The following CIITA variants were observed in gnomAD, a reference collection of about 807,000 sequenced individuals.
The protein encoded by CIITA is class II major histocompatibility complex transactivator, also known as MHC class II transactivator.
In CIITA, 72 loss-of-function variants were observed where a neutral mutation model predicts 115.1. The observed-to-expected ratio is 0.63, with a 90% CI of 0.52 to 0.76. The LOEUF (loss-of-function observed/expected upper bound fraction) is 0.76, where lower values mean the gene tolerates loss of function less well. Among genes scored for constraint, CIITA ranks in the 30% least tolerant of loss-of-function variants. The pLI, the probability that CIITA is intolerant of heterozygous loss-of-function variation, is 0.00. For synonymous variants in CIITA, 763 were observed against 635.6 expected (o/e 1.20, Z -3.02); for missense variants, 1,617 against 1,463.8 (o/e 1.10, Z -1.71).
At chr16:10,890,254 G>C (rs535829187) in intron 1 of CIITA, among the ~76,000 whole-genome samples, 2 of 151,818 alleles carry the variant, frequency 1.3e-5, no homozygotes, top group East Asian at 3.9e-4. Flanking sequence ...AGCGTGGCCA[G>C]ACCATCCAAG....
chr16:10,890,267 GC>G (rs2037424012), intron 1 of CIITA, among the ~76,000 whole-genome samples: 1 of 151,212 alleles, frequency 6.6e-6, no homozygotes, highest in Non-Finnish European at 1.5e-5. Context: ...CATCCAAGCT[GC>G]CCTGCTGGCT....
intron 1 of CIITA, among the ~76,000 whole-genome samples, chr16:10,894,871 T>C (rs1013196574): frequency 1.3e-5 from 2 of 152,216 alleles, no homozygotes; most frequent in African/African-American, 4.8e-5. Flanking sequence ...ATATGCAAAG[T>C]GAGGATAATA....
intron 5 of CIITA, among the ~76,000 whole-genome samples, chr16:10,900,752 A>C (rs1029194801): frequency 1.3e-5 from 2 of 152,096 alleles, no homozygotes; most frequent in African/African-American, 4.8e-5. Context: ...AAAAAAAAAA[A>C]AATGTTTTCA....
intron 18 of CIITA, chr16:10,922,917 C>T: frequency 1.9e-6 from 1 of 515,200 alleles, no homozygotes; most frequent in Non-Finnish European, 3.5e-6. Flanking sequence ...TCTCCACAAT[C>T]ACTCACCTCT....
chr16:10,908,314 G>C (rs1278254758), intron 11 of CIITA, 165 bp downstream of exon 11: 1 of 869,408 alleles, frequency 1.2e-6, no homozygotes, highest in East Asian at 2.6e-5. Flanking sequence ...GGCTCAGAGA[G>C]GGGCAGCCAC....
intron 1 of CIITA, among the ~76,000 whole-genome samples, chr16:10,878,023 C>G (rs12932187): frequency 0.081 from 12,329 of 152,118 alleles, 895 homozygotes; most frequent in East Asian, 0.41. Flanking sequence ...TTTACATTCT[C>G]GAGTCAATTT....
In CIITA at chr16:10,934,605, G is replaced by C. The variant is rs2040947183; in HGVS notation, c.*10750G>C. The C allele has an allele frequency of 6.6e-6, 1 of 152,258 alleles. No homozygotes were observed. Among genetic ancestry groups the C allele is most frequent in the Non-Finnish European group, 1.5e-5 (1 of 68,056 alleles). The allele number at this position is 152,258 out of a possible 1,614,324, so 9.4% of individuals were successfully genotyped here. A position where few individuals can be genotyped will look rare whatever the true frequency, so the allele number is the denominator to read the frequency against. ...CCTCATAGATGGGTATCTGAGATGAGTCATCGAACTTCTGCAAGCCTCAGT... is the reference window on the plus strand; with the variant it reads ...CCTCATAGATGGGTATCTGAGATGACTCATCGAACTTCTGCAAGCCTCAGT... On this transcript the variant is annotated 3_prime_UTR_variant, in exon 20 of 20. Transcript: ENST00000324288. The surrounding 1 kb of genome is among the most constrained non-coding windows in gnomAD (Gnocchi z 4.2).
Position 10,901,529 on chromosome 16 carries a change from T to C in CIITA, c.452T>C (p.Leu151Pro), listed in dbSNP as rs373022799. The change falls in exon 6 of 20, where the codon CTT (leucine) becomes CCT (proline). Residue 151 changes from leucine to proline, a missense_variant. Coordinates refer to ENST00000324288, the MANE Select transcript of CIITA (RefSeq NM_000246.4). This position sits in a 1 kb window ranked among gnomAD's most constrained non-coding sequence, Gnocchi z 6.8. ...TTCTCTGCAGCCTTCCCAGAGGAGC[T>C]TCCGGCAGACCTGAAGCACTGGAAG... Reference protein sequence around the residue: ...KSQKRPFPEELPADLKHWKPA... With the variant: ...KSQKRPFPEEPPADLKHWKPA... 10 of 1,613,958 alleles carry C rather than the reference T, an allele frequency of 6.2e-6. No individual in the cohort carries two copies. The highest frequency in any genetic ancestry group is 3.3e-5 in the Admixed American group (2 of 59,988).
Position 10,923,215 on chromosome 16 carries a change from T to A in CIITA, c.3318-13T>A. Reference sequence around the variant, plus strand: ...TCCTCTAACCTGGCTCTGAGTCCCATCCCCCCTTGCAGGATGTGGACGCCC... The same window carrying A: ...TCCTCTAACCTGGCTCTGAGTCCCAACCCCCCTTGCAGGATGTGGACGCCC... On this transcript the variant is annotated splice_polypyrimidine_tract_variant and intron_variant, in intron 18 of 19. Transcript: ENST00000324288. The surrounding 1 kb of genome is among the most constrained non-coding windows in gnomAD (Gnocchi z 5.2). The A allele has an allele frequency of 1.9e-6, 3 of 1,611,342 alleles. No homozygotes were observed. Among genetic ancestry groups the A allele is most frequent in the South Asian group, 2.2e-5 (2 of 91,046 alleles).
chr16:10,904,025 G>A (rs1197058020), intron 9 of CIITA, 130 bp downstream of exon 9: 7 of 1,193,414 alleles, frequency 5.9e-6, no homozygotes, highest in Non-Finnish European at 8.5e-6. Context: ...GGGTCAGTCG[G>A]GACAGGGAGG....
At position 10,902,695 on chromosome 16, in the gene CIITA, C is replaced by G. The variant is rs1210634816; in HGVS notation, c.666C>G (p.Leu222=). 1.2e-6 allele frequency: 2 copies of G among 1,614,144 alleles called. No homozygotes were observed. The highest frequency in any genetic ancestry group is 1.7e-6 in the Non-Finnish European group (2 of 1,180,058). ...GTTCCTCGTTGAGCTGCCTGAATCTCCCTGAGGGACCCATCCAGTTTGTCC... is the reference window on the plus strand; with the variant it reads ...GTTCCTCGTTGAGCTGCCTGAATCTGCCTGAGGGACCCATCCAGTTTGTCC... ...FSSSSLSCLN[L]PEGPIQFVPT... The change falls in exon 8 of 20, where the codon CTC becomes CTG. Residue 222 remains leucine (L), a synonymous_variant. Transcript: ENST00000324288.
At chr16:10,877,054 T>C, upstream of CIITA, 1 of 584,134 alleles carries the variant, frequency 1.7e-6, no homozygotes, top group African/African-American at 1.9e-5. Context: ...TGGGGAGGGC[T>C]TAAGGGAGTG....
intron 14 of CIITA, 90 bp downstream of exon 14, chr16:10,915,740 A>G (rs180679362): frequency 1.9e-4 from 222 of 1,150,964 alleles, no homozygotes; most frequent in Admixed American, 5.7e-4. Context: ...CCTGGCCTCA[A>G]GTAGTCCTCC....
upstream of CIITA, among the ~76,000 whole-genome samples, chr16:10,876,853 G>T (rs528906495): frequency 1.3e-5 from 2 of 152,188 alleles, no homozygotes; most frequent in Non-Finnish European, 2.9e-5. Flanking sequence ...GCATCTGGGC[G>T]GAGGGCTATG....
In CIITA at chr16:10,909,190, G is replaced by C. The variant is rs764868403; in HGVS notation, c.2816+3G>C. On this transcript the variant is annotated splice_donor_region_variant and intron_variant, in intron 12 of 19. Coordinates refer to ENST00000324288, the MANE Select transcript of CIITA (RefSeq NM_000246.4). ...GGAAAGCTTGTGCAGACTCAGAGGT[G>C]AGAGGAGAGGCGGATGGGAGGTGGT... 1 of 1,614,162 alleles carries C rather than the reference G, an allele frequency of 6.2e-7. No individual in the cohort carries two copies. Among genetic ancestry groups the C allele is most frequent in the South Asian group, 1.1e-5 (1 of 91,080 alleles).
intron 1 of CIITA, among the ~76,000 whole-genome samples, chr16:10,887,448 C>T (rs1245825937): frequency 6.6e-6 from 1 of 151,932 alleles, no homozygotes; most frequent in Non-Finnish European, 1.5e-5. Context: ...CATTATTCCT[C>T]AGGAGGAGAA....
At chr16:10,899,061 CT>C (rs2038438956) in intron 5 of CIITA, 59 bp downstream of exon 5, 1 of 1,540,528 alleles carries the variant, frequency 6.5e-7, no homozygotes, top group Admixed American at 1.7e-5. Flanking sequence ...CTTTCCTTGA[CT>C]CCAAAGCCTG....
rs2040906178 is a variant in CIITA at position 10,933,891 on chromosome 16, G to A, written c.*10036G>A. On this transcript the variant is annotated 3_prime_UTR_variant, in exon 20 of 20. Transcript: ENST00000324288. The stretch of plus-strand genomic sequence containing the variant: ...CTGGTGACAGGCTATGTGGCAGGAG[G>A]GTCTCTACCTTATCTCAGAATGAAG... 1.3e-5 allele frequency: 2 copies of A among 152,210 alleles called. No homozygotes were observed. The highest frequency in any genetic ancestry group is 4.1e-4 in the South Asian group (2 of 4,834). The allele number at this position is 152,210 out of a possible 1,614,324, so 9.4% of individuals were successfully genotyped here.
chr16:10,930,294 T>C lies in CIITA; in HGVS notation c.*6439T>C, dbSNP rs77127036. The C allele has an allele frequency of 0.017, 2,520 of 152,350 alleles. 62 individuals carry two copies. Among genetic ancestry groups the C allele is most frequent in the African/African-American group, 0.058 (2,422 of 41,568 alleles). The allele number at this position is 152,350 out of a possible 1,614,324, so 9.4% of individuals were successfully genotyped here. ...ACTTGTATGTTAAACATGTGACATG[T>C]ATTGTTGTTTGACAGGGTGCTATTG... On this transcript the variant is annotated 3_prime_UTR_variant, in exon 20 of 20. Transcript: ENST00000324288.
Sources: allele counts gnomAD v4.1 joint callset (sites outside exome capture counted in the v4.1 genomes callset), GRCh38; gene constraint gnomAD v4.1.1; non-coding constraint Gnocchi (gnomAD v3.1); transcripts MANE v1.5; gene names NCBI Gene and HGNC (gene_info 2026-07-23, HGNC 2026-07-21).